The following TFDP2 variants were observed in gnomAD, a reference collection of about 807,000 sequenced individuals.
TFDP2 encodes the protein transcription factor Dp-2 (E2F dimerization partner 2).
TFDP2 carries 17 observed loss-of-function variants against 59.3 expected under a neutral mutation model. That is an observed-to-expected ratio of 0.29 (90% CI 0.20 to 0.43). TFDP2 has a LOEUF of 0.43. TFDP2 is among the 20% of genes least tolerant of loss of function. The probability of loss-of-function intolerance (pLI) is 1.00; values close to 1 mark genes in which losing one functional copy is unlikely to be tolerated. For synonymous variants in TFDP2, 180 were observed against 194.7 expected (o/e 0.92, Z 0.63); for missense variants, 391 against 528.8 (o/e 0.74, Z 2.56).
chr3:142,044,778 G>T (rs1947243149), intron 3 of TFDP2, among the ~76,000 whole-genome samples: 1 of 152,166 alleles, frequency 6.6e-6, no homozygotes, highest in Non-Finnish European at 1.5e-5. Flanking sequence ...AAGTCAAAGT[G>T]TATTTGGGAT....
At chr3:142,131,053 CA>C (rs1223900505) in intron 1 of TFDP2, among the ~76,000 whole-genome samples, 157 of 79,364 alleles carry the variant, frequency 2.0e-3, no homozygotes, top group East Asian at 6.9e-3. Context: ...AACTACGTCT[CA>C]AAAAAAAAAA....
intron 4 of TFDP2, among the ~76,000 whole-genome samples, chr3:142,000,725 C>T (rs1943689109): frequency 6.6e-6 from 1 of 152,132 alleles, no homozygotes; most frequent in African/African-American, 2.4e-5. Flanking sequence ...TTCCAAAATG[C>T]AATGATGGGA....
chr3:141,968,338 ATATAT>A (rs1309952750), intron 9 of TFDP2, among the ~76,000 whole-genome samples: 1 of 116,042 alleles, frequency 8.6e-6, no homozygotes, highest in Non-Finnish European at 1.9e-5. Context: ...AATATATATA[ATATAT>A]AACTATATAT....
intron 4 of TFDP2, among the ~76,000 whole-genome samples, chr3:141,999,964 T>C (rs993991151): frequency 1.1e-4 from 17 of 152,276 alleles, no homozygotes; most frequent in African/African-American, 3.8e-4. Context: ...CTCGATCTCC[T>C]GACCTCGTGA....
At chr3:142,095,967 CA>C (rs2061148741) in intron 2 of TFDP2, among the ~76,000 whole-genome samples, 1 of 152,122 alleles carries the variant, frequency 6.6e-6, no homozygotes, top group African/African-American at 2.4e-5. Flanking sequence ...AACTAAACCT[CA>C]AAAACCTCAA....
rs372419523 is a variant in TFDP2, at chr3:141,988,809, C to T, written c.356+4729G>A. Among the ~76,000 whole-genome samples, 29 of 151,714 alleles carry T rather than the reference C, an allele frequency of 1.9e-4. No homozygotes were observed. In the South Asian group the frequency reaches 4.4e-3, roughly 23 times the overall value. ...TCAGCCTCCCGAGTAGTTACAGGCA[C>T]GCGCCACCATGCCCAGCTATATTTT... On this transcript the variant is annotated intron_variant, in intron 6 of 12. Coordinates refer to ENST00000489671, the MANE Select transcript of TFDP2 (RefSeq NM_001178139.2).
At chr3:141,994,446 T>A (rs949011295) in intron 5 of TFDP2, 2 of 152,176 alleles carry the variant, frequency 1.3e-5, no homozygotes, top group African/African-American at 2.4e-5. Flanking sequence ...TATGAGGTAC[T>A]AAAATGATAA....
chr3:142,092,244 C>T (rs143280878), intron 3 of TFDP2, among the ~76,000 whole-genome samples: 137 of 152,282 alleles, frequency 9.0e-4, no homozygotes, highest in African/African-American at 3.2e-3. Flanking sequence ...GCATGTATCT[C>T]TATATACCAC....
At chr3:142,101,981 C>G (rs752678715) in intron 1 of TFDP2, 140 bp from the exon 2 acceptor site, 4 of 384,108 alleles carry the variant, frequency 1.0e-5, no homozygotes, top group Non-Finnish European at 1.9e-5. Flanking sequence ...AGGTTTGTAC[C>G]ATCTTAATCC....
intron 2 of TFDP2, among the ~76,000 whole-genome samples, chr3:142,095,270 G>C (rs896665067): frequency 6.6e-6 from 1 of 152,114 alleles, no homozygotes; most frequent in Non-Finnish European, 1.5e-5. Flanking sequence ...GATTACAGGC[G>C]TGAGCCACCA....
At chr3:142,029,491 T>C (rs1197069902) in intron 3 of TFDP2, among the ~76,000 whole-genome samples, 2 of 152,114 alleles carry the variant, frequency 1.3e-5, no homozygotes, top group African/African-American at 4.8e-5. Flanking sequence ...TAATTAAATA[T>C]ACATACCTAA....
chr3:142,098,059 C>T (rs990571883), intron 2 of TFDP2, among the ~76,000 whole-genome samples: 1 of 152,014 alleles, frequency 6.6e-6, no homozygotes, highest in Non-Finnish European at 1.5e-5. Context: ...CCAAAGTGCT[C>T]GGATTACAGG....
chr3:142,032,467 T>A (rs1056314316), intron 3 of TFDP2, among the ~76,000 whole-genome samples: 1 of 152,208 alleles, frequency 6.6e-6, no homozygotes, highest in African/African-American at 2.4e-5. Context: ...ACACTCCCAC[T>A]CTAGAGGATG....
At chr3:142,075,261 T>C (rs2060402564) in intron 3 of TFDP2, among the ~76,000 whole-genome samples, 1 of 152,218 alleles carries the variant, frequency 6.6e-6, no homozygotes, top group African/African-American at 2.4e-5. Flanking sequence ...AAAGAAGTGA[T>C]AACACAACCT....
chr3:142,090,491 C>A (rs1347298811), intron 3 of TFDP2, among the ~76,000 whole-genome samples: 1 of 152,016 alleles, frequency 6.6e-6, no homozygotes, highest in African/African-American at 2.4e-5. Context: ...CAAAGACAAT[C>A]TTTCTCACCT....
rs1935083400 is a variant in TFDP2, at chr3:141,944,966, T to G, written c.*7547A>C. Reference sequence around the variant, plus strand: ...GGTGGTTGCATTTTCCTCTTATCTCTCTTGTTTAAATTGCTTAAAGCATGT... The same window carrying G: ...GGTGGTTGCATTTTCCTCTTATCTCGCTTGTTTAAATTGCTTAAAGCATGT... On this transcript the variant is annotated 3_prime_UTR_variant, in exon 13 of 13. Transcript: ENST00000489671. 6.6e-6 allele frequency: 1 copy of G among 152,232 alleles called. No homozygotes were observed. The allele number at this position is 152,232 out of a possible 1,614,324, so 9.4% of individuals were successfully genotyped here.
intron 9 of TFDP2, 101 bp downstream of exon 9, chr3:141,969,972 C>A: frequency 8.4e-7 from 1 of 1,191,994 alleles, no homozygotes; most frequent in Admixed American, 1.7e-5. Flanking sequence ...GTGGGCTCAC[C>A]ACACACCACT....
In TFDP2 at chr3:141,995,085, T is replaced by C. The variant is rs768080519; in HGVS notation, c.243A>G (p.Pro81=). ...TAACCATTGCTGGTGCAGGGGTATA[T>C]GGACTCCCAATCAGAACACTTCCTG... ...TSSGSVLIGS[P]YTPAPAMVTQ... Residue 81 remains proline (P), a synonymous_variant, in exon 5 of 13, where the codon CCA becomes CCG. Coordinates refer to ENST00000489671, the MANE Select transcript of TFDP2 (RefSeq NM_001178139.2). 3.7e-6 allele frequency: 6 copies of C among 1,611,794 alleles called. No individual in the cohort carries two copies. Among genetic ancestry groups the C allele is most frequent in the Admixed American group, 3.3e-5 (2 of 59,876 alleles).
At chr3:142,040,059 T>G (rs928983411) in intron 3 of TFDP2, among the ~76,000 whole-genome samples, 2 of 152,144 alleles carry the variant, frequency 1.3e-5, no homozygotes, top group African/African-American at 4.8e-5. Context: ...TCTACTGTTC[T>G]TGTATACATG....
Sources: gnomAD v4.1 joint callset for allele counts (sites outside exome capture counted in the v4.1 genomes callset) on GRCh38, gnomAD v4.1.1 for gene constraint, MANE v1.5 for transcripts, NCBI Gene and HGNC (gene_info 2026-07-23, HGNC 2026-07-21) for gene names.